Variants in PDXDC1 observed in about 807,000 individuals in gnomAD.
PDXDC1 encodes pyridoxal dependent decarboxylase domain containing 1.
Under a neutral mutation model 100.1 loss-of-function variants are expected in PDXDC1, and 42 were observed. The ratio of observed to expected loss-of-function variants is 0.42; its 90% CI spans 0.33 to 0.54. The LOEUF (loss-of-function observed/expected upper bound fraction) is 0.54. Among genes scored for constraint, PDXDC1 ranks in the 20% least tolerant of loss-of-function variants. The pLI, the probability that PDXDC1 is intolerant of heterozygous loss-of-function variation, is 0.10. For missense variants in PDXDC1, 636 were observed against 979.2 expected (o/e 0.65, Z 4.68); for synonymous variants, 260 against 371.7 (o/e 0.70, Z 3.46).
At chr16:15,046,386 G>A (rs1041904617) in intron 16 of PDXDC1, among the ~76,000 whole-genome samples, 1 of 152,184 alleles carries the variant, frequency 6.6e-6, no homozygotes, top group African/African-American at 2.4e-5. Flanking sequence ...AGCAAGGAGA[G>A]GGGACAGGTG....
intron 16 of PDXDC1, among the ~76,000 whole-genome samples, chr16:15,059,098 G>C (rs912725888): frequency 6.6e-6 from 1 of 152,212 alleles, no homozygotes; most frequent in African/African-American, 2.4e-5. Flanking sequence ...AAGGCAGCCT[G>C]CACCTTCGAA....
the PDXDC1 span, among the ~76,000 whole-genome samples, chr16:15,149,266 AG>A: frequency 6.6e-6 from 1 of 152,158 alleles, no homozygotes; most frequent in Non-Finnish European, 1.5e-5. Flanking sequence ...CTTCCAGGCC[AG>A]CCCCCTCCCC....
intron 16 of PDXDC1, 96 bp from the exon 17 acceptor site, chr16:15,031,630 GGAGTACCTC>G (rs2043070827): frequency 1.1e-6 from 1 of 906,760 alleles, no homozygotes; most frequent in African/African-American, 1.7e-5. Context: ...CCCGGTAACT[GGAGTACCTC>G]GAGCTTTTGA....
At chr16:15,097,286 A>G (rs2151840221) in intron 16 of PDXDC1, among the ~76,000 whole-genome samples, 1 of 151,282 alleles carries the variant, frequency 6.6e-6, no homozygotes, top group South Asian at 2.1e-4. Flanking sequence ...AAAAAAAGGG[A>G]AAAAAAGCTT....
At chr16:14,984,857 TG>T (rs1333276130) in intron 1 of PDXDC1, among the ~76,000 whole-genome samples, 1 of 152,224 alleles carries the variant, frequency 6.6e-6, no homozygotes, top group Non-Finnish European at 1.5e-5. Flanking sequence ...TGTTGATTCG[TG>T]TGTTTTCAAA....
At chr16:15,084,221 A>G (rs1253452150) in intron 16 of PDXDC1, among the ~76,000 whole-genome samples, 1 of 152,200 alleles carries the variant, frequency 6.6e-6, no homozygotes, top group Non-Finnish European at 1.5e-5. Flanking sequence ...ATTTTTTTTA[A>G]GTTAACAAAT....
In PDXDC1 at chr16:15,125,657, C is replaced by T; in HGVS notation, c.1400-13222C>T. ...AGCTGCGCCAAGGCGGCAGGACCCCCAGCCCAGCCCAGGACCCCCAGTAGA... is the reference window on the plus strand; with the variant it reads ...AGCTGCGCCAAGGCGGCAGGACCCCTAGCCCAGCCCAGGACCCCCAGTAGA... On this transcript the variant is annotated intron_variant, in intron 16 of 16. Transcript: ENST00000535621. 4 of 1,274,446 alleles carry T rather than the reference C, an allele frequency of 3.1e-6. No homozygotes were observed. The East Asian group carries it at 6.9e-5, about 22-fold the overall frequency. The allele number at this position is 1,274,446 out of a possible 1,614,324, so 78.9% of individuals were successfully genotyped here.
chr16:15,044,520 T>G, intron 16 of PDXDC1: 1 of 745,288 alleles, frequency 1.3e-6, no homozygotes, highest in Non-Finnish European at 2.4e-6. Context: ...ACAGCAGAGC[T>G]GCAGGTCATC....
intron 18 of PDXDC1, 118 bp from the exon 19 acceptor site, chr16:15,033,160 G>C: frequency 1.7e-6 from 2 of 1,198,270 alleles, no homozygotes; most frequent in Non-Finnish European, 2.4e-6. Flanking sequence ...TCCGCCCTTA[G>C]AATCTCCATG....
chr16:15,001,521 AC>A (rs1440770235), intron 3 of PDXDC1, among the ~76,000 whole-genome samples: 1 of 152,294 alleles, frequency 6.6e-6, no homozygotes, highest in African/African-American at 2.4e-5. Context: ...AAGACTGGTG[AC>A]ATTTATTAAA....
At chr16:15,008,297 A>C (rs1161723748) in intron 6 of PDXDC1, among the ~76,000 whole-genome samples, 4 of 152,290 alleles carry the variant, frequency 2.6e-5, no homozygotes, top group Non-Finnish European at 5.9e-5. Flanking sequence ...TCTCCTGCAT[A>C]ACACTGACTT....
intron 16 of PDXDC1, among the ~76,000 whole-genome samples, chr16:15,073,237 G>A (rs1030798032): frequency 1.3e-5 from 2 of 152,192 alleles, no homozygotes; most frequent in African/African-American, 4.8e-5. Context: ...AGGCCAAAGT[G>A]AGAGGGAGCC....
At chr16:15,132,731 G>C in intron 16 of PDXDC1, 1 of 1,074,522 alleles carries the variant, frequency 9.3e-7, no homozygotes, top group Non-Finnish European at 1.4e-6. Flanking sequence ...CATGCACTGG[G>C]CCAGCGCAGC....
At chr16:15,112,164 C>T (rs1472607215) in intron 16 of PDXDC1, among the ~76,000 whole-genome samples, 1 of 148,680 alleles carries the variant, frequency 6.7e-6, no homozygotes, top group African/African-American at 2.4e-5. Context: ...AGCTAAAATG[C>T]AAAGCAAATC....
chr16:15,064,366 C>T (rs1414537406), intron 16 of PDXDC1, among the ~76,000 whole-genome samples: 2 of 152,026 alleles, frequency 1.3e-5, no homozygotes, highest in Non-Finnish European at 1.5e-5. Flanking sequence ...GTAAAGACAG[C>T]GTTTCACCAT....
intron 16 of PDXDC1, among the ~76,000 whole-genome samples, chr16:15,043,616 A>C (rs1046442266): frequency 7.3e-6 from 1 of 137,522 alleles, no homozygotes; most frequent in African/African-American, 2.5e-5. Flanking sequence ...GTGGTTAGTC[A>C]ACACACGACA....
chr16:15,130,597 C>T (rs756237819), intron 16 of PDXDC1: 5 of 1,327,614 alleles, frequency 3.8e-6, no homozygotes, highest in Middle Eastern at 5.0e-4. Flanking sequence ...ACCCATGATG[C>T]CCTGCCCTGC....
chr16:15,082,393 C>T (rs910288100), intron 16 of PDXDC1, among the ~76,000 whole-genome samples: 2 of 151,962 alleles, frequency 1.3e-5, no homozygotes, highest in Non-Finnish European at 1.5e-5. Flanking sequence ...TCAATCTCGG[C>T]CGGTCACGGT....
At chr16:15,074,303 T>C (rs184880588) in intron 16 of PDXDC1, among the ~76,000 whole-genome samples, 208 of 152,288 alleles carry the variant, frequency 1.4e-3, no homozygotes, top group Non-Finnish European at 2.4e-3. Context: ...GCCTTTAAAG[T>C]TCCATGAAGT....
Sources: allele counts gnomAD v4.1 joint callset (sites outside exome capture counted in the v4.1 genomes callset), GRCh38; gene constraint gnomAD v4.1.1; transcripts MANE v1.5; gene names NCBI Gene and HGNC (gene_info 2026-07-23, HGNC 2026-07-21).